The following RNFT2 variants were observed in gnomAD, a reference collection of about 807,000 sequenced individuals.
RNFT2 encodes the protein E3 ubiquitin-protein ligase RNFT2.
In RNFT2, 36 loss-of-function variants were observed where a neutral mutation model predicts 53.0. The ratio of observed to expected loss-of-function variants is 0.68; its 90% CI spans 0.52 to 0.90. RNFT2 has a LOEUF of 0.90. Ranked by LOEUF, RNFT2 falls within the 40% of genes least tolerant of loss-of-function variation. The pLI is 0.00. For missense variants in RNFT2, 514 were observed against 585.6 expected, an observed-to-expected ratio of 0.88 and a Z score of 1.26; for synonymous variants, 260 against 253.2, an observed-to-expected ratio of 1.03 and a Z score of -0.26.
intron 7 of RNFT2, among the ~76,000 whole-genome samples, chr12:116,829,893 T>C (rs115265020): frequency 0.013 from 1,910 of 152,084 alleles, 39 homozygotes; most frequent in African/African-American, 0.043. Context: ...ATTTCCCCTC[T>C]AATTTAAACA....
At chr12:116,764,358 T>C (rs1872819349) in intron 5 of RNFT2, among the ~76,000 whole-genome samples, 1 of 152,206 alleles carries the variant, frequency 6.6e-6, no homozygotes, top group Admixed American at 6.5e-5. Context: ...AATAATTTTT[T>C]TTTTAAAGTC....
chr12:116,779,337 G>A lies in RNFT2; in HGVS notation c.871G>A (p.Val291Ile), dbSNP rs752115358. ...GGCCCTGCCCAAGATCATCCTGGCT[G>A]TCAAGTCCAAGGTAGGCACTGGCTG... ...IVALPKIILA[V>I]KSKGKFYLVI... The change falls in exon 7 of 11, where the codon GTC becomes ATC. Residue 291 changes from valine to isoleucine, a missense_variant. By Grantham distance (29) the Val-to-Ile change is conservative (BLOSUM62 3). Around this residue, in one of 3 missense-constraint regions of RNFT2, gnomAD observed 273 missense variants for 334.4 expected, o/e 0.82. Transcript: ENST00000257575. 3.7e-6 allele frequency: 6 copies of A among 1,613,800 alleles called. No homozygotes were observed. Among genetic ancestry groups the A allele is most frequent in the East Asian group, 2.2e-5 (1 of 44,884 alleles).
rs1047499634 is a variant in RNFT2, at chr12:116,817,994, CAAAT to C, written c.883-15794_883-15791del. On this transcript the variant is annotated intron_variant, in intron 7 of 10. Transcript: ENST00000257575. ...TTCAAGTTTCAACAAGCACTAGAGA[CAAAT>C]AAAAACAATTCATGGAGAATTCGTT... is the stretch of plus-strand genomic sequence containing the variant. Among the ~76,000 whole-genome samples the C allele has an allele frequency of 2.6e-5, 4 of 152,134 alleles. No individual in the cohort carries two copies. The South Asian group carries it at 6.2e-4, about 24-fold the overall frequency.
intron 7 of RNFT2, among the ~76,000 whole-genome samples, chr12:116,827,414 A>T (rs1351236409): frequency 6.6e-6 from 1 of 152,122 alleles, no homozygotes; most frequent in Non-Finnish European, 1.5e-5. Flanking sequence ...CCATCTGCAA[A>T]GGAAGAGCTT....
At chr12:116,750,482 T>C (rs1021444029) in intron 4 of RNFT2, among the ~76,000 whole-genome samples, 175 bp downstream of exon 4, 4 of 152,170 alleles carry the variant, frequency 2.6e-5, no homozygotes, top group Non-Finnish European at 2.9e-5. Flanking sequence ...CGACTAGCTG[T>C]GTGACTTCAG....
In RNFT2 at chr12:116,822,052, CT is replaced by C. The variant is rs1451141739; in HGVS notation, c.883-11738del. 5.3e-5 allele frequency among the ~76,000 whole-genome samples: 8 copies of C among 152,170 alleles called. No individual in the cohort carries two copies. The South Asian group carries it at 1.0e-3, about 20-fold the overall frequency. On this transcript the variant is annotated intron_variant, in intron 7 of 10. Coordinates refer to ENST00000257575, the MANE Select transcript of RNFT2 (RefSeq NM_001382266.1). ...ATTTCACCGTGTTGGCCAGGCTGATCTTGAACTCCTGACCTCAGGTGATCTG... is the reference window on the plus strand; with the variant it reads ...ATTTCACCGTGTTGGCCAGGCTGATCTGAACTCCTGACCTCAGGTGATCTG...
chr12:116,739,391 G>A (rs550614609), intron 1 of RNFT2, among the ~76,000 whole-genome samples: 51 of 152,328 alleles, frequency 3.3e-4, no homozygotes, highest in African/African-American at 1.0e-3. Flanking sequence ...TGGATGCTGA[G>A]GCAGAGGGGT....
intron 5 of RNFT2, among the ~76,000 whole-genome samples, chr12:116,763,195 A>C (rs116858769): frequency 0.062 from 9,396 of 151,626 alleles, 400 homozygotes; most frequent in Non-Finnish European, 0.094. Flanking sequence ...AAAAAATCTC[A>C]TCAGAAAGTG....
chr12:116,742,429 C>T (rs148952544), intron 3 of RNFT2, among the ~76,000 whole-genome samples: 7,087 of 151,730 alleles, frequency 0.047, 192 homozygotes, highest in Non-Finnish European at 0.053. Flanking sequence ...ACCACCATGC[C>T]CGGCTAATTT....
intron 7 of RNFT2, among the ~76,000 whole-genome samples, chr12:116,832,139 AAAAAAAAAAATAT>A (rs1057269195): frequency 2.6e-5 from 2 of 76,260 alleles, no homozygotes; most frequent in African/African-American, 8.5e-5. Flanking sequence ...TCAAAAAAAA[AAAAAAAAAAATAT>A]ATATATATAT....
At chr12:116,781,949 TGC>T (rs1566079454) in intron 7 of RNFT2, among the ~76,000 whole-genome samples, 1 of 151,736 alleles carries the variant, frequency 6.6e-6, no homozygotes, top group Non-Finnish European at 1.5e-5. Flanking sequence ...CGTGGCAGCA[TGC>T]GCCTGTAGTC....
intron 7 of RNFT2, among the ~76,000 whole-genome samples, chr12:116,808,855 C>G (rs1278824108): frequency 1.3e-5 from 2 of 152,164 alleles, no homozygotes; most frequent in East Asian, 1.9e-4. Flanking sequence ...CTGGCTCCCC[C>G]ACTCTCACCC....
chr12:116,765,129 G>C (rs573233705), intron 5 of RNFT2, among the ~76,000 whole-genome samples: 2 of 152,286 alleles, frequency 1.3e-5, no homozygotes, highest in East Asian at 3.9e-4. Context: ...AGGCGTCGCA[G>C]CTGATTAGGA....
chr12:116,749,697 C>G lies in RNFT2; in HGVS notation c.84-144C>G, dbSNP rs1236496047. On this transcript the variant is annotated intron_variant, in intron 3 of 10. Coordinates refer to ENST00000257575, the MANE Select transcript of RNFT2 (RefSeq NM_001382266.1). The stretch of plus-strand genomic sequence containing the variant: ...TTAAACAGGGTCACATTCTGAGGTC[C>G]TGGGAGGAAGGACTTCATGTGAATT... 3.8e-5 allele frequency: 28 copies of G among 730,642 alleles called. No individual in the cohort carries two copies. In the East Asian group the frequency reaches 4.0e-4, roughly 11 times the overall value. The allele number at this position is 730,642 out of a possible 1,614,324, so 45.3% of individuals were successfully genotyped here. A position where few individuals can be genotyped will look rare whatever the true frequency, so the allele number is the denominator to read the frequency against.
intron 4 of RNFT2, among the ~76,000 whole-genome samples, chr12:116,753,158 T>TC (rs1380043838): frequency 7.2e-6 from 1 of 139,708 alleles, no homozygotes; most frequent in Non-Finnish European, 1.5e-5. Context: ...CTTTTTTTTT[T>TC]TTTTTTTTTT....
At chr12:116,776,056 A>C (rs1207481086) in intron 6 of RNFT2, among the ~76,000 whole-genome samples, 1 of 152,010 alleles carries the variant, frequency 6.6e-6, no homozygotes, top group Non-Finnish European at 1.5e-5. Flanking sequence ...AAACAAAAAA[A>C]CTCGTAATTA....
At chr12:116,795,357 G>A (rs1456107891) in intron 7 of RNFT2, among the ~76,000 whole-genome samples, 8 of 151,416 alleles carry the variant, frequency 5.3e-5, no homozygotes, top group African/African-American at 1.5e-4. Context: ...GCAGTGAGCC[G>A]AGGTCACACC....
intron 7 of RNFT2, among the ~76,000 whole-genome samples, chr12:116,784,116 G>A (rs534993276): frequency 6.6e-6 from 1 of 152,328 alleles, no homozygotes; most frequent in East Asian, 1.9e-4. Flanking sequence ...CCCTGAGTCT[G>A]AGCTCTTAAT....
chr12:116,841,858 A>ATATATATATATATATATATAAAT (rs1877313449), intron 10 of RNFT2, among the ~76,000 whole-genome samples: 1 of 24,450 alleles, frequency 4.1e-5, no homozygotes, highest in Non-Finnish European at 9.3e-5. Context: ...TATATATAAA[A>ATATATATATATATATATATAAAT]ATATATATAT....
Sources: gnomAD v4.1 joint callset for allele counts (sites outside exome capture counted in the v4.1 genomes callset) on GRCh38, gnomAD v4.1.1 for gene constraint, gnomAD v4.1.1 regional missense constraint, MANE v1.5 for transcripts, NCBI Gene and HGNC (gene_info 2026-07-23, HGNC 2026-07-21) for gene names.